The following KIAA0825 variants were observed in gnomAD, a reference collection of about 807,000 sequenced individuals.
KIAA0825 encodes uncharacterized protein KIAA0825.
In KIAA0825, 119 loss-of-function variants were observed where a neutral mutation model predicts 147.6. That is an observed-to-expected ratio of 0.81 (90% CI 0.69 to 0.94). The LOEUF is 0.94. Among genes scored for constraint, KIAA0825 ranks in the 40% least tolerant of loss-of-function variants. KIAA0825 has a pLI of 0.00. For missense variants in KIAA0825, 1,381 were observed against 1,472.7 expected (o/e 0.94, Z 1.02); for synonymous variants, 470 against 518.1 (o/e 0.91, Z 1.26).
At chr5:94,417,147 G>A in intron 15 of KIAA0825, 54 bp downstream of exon 15, 2 of 1,459,928 alleles carry the variant, frequency 1.4e-6, no homozygotes, top group South Asian at 1.2e-5. Flanking sequence ...ATCTTTAAAG[G>A]TACATATAAG....
chr5:94,508,781 C>T (rs1455152352), intron 5 of KIAA0825, among the ~76,000 whole-genome samples: 3 of 152,194 alleles, frequency 2.0e-5, no homozygotes. Flanking sequence ...TATTGCCGAG[C>T]CTGGCACTAA....
chr5:94,422,498 A>G lies in KIAA0825; in HGVS notation c.2498-5133T>C, dbSNP rs184484796. On this transcript the variant is annotated intron_variant, in intron 14 of 20. Coordinates refer to ENST00000682413, the MANE Select transcript of KIAA0825 (RefSeq NM_001145678.3). ...AAGGCTCCCATGTCATGTAAAATTG[A>G]TATTAAATACATTAGTATGCTTTTT... Among the ~76,000 whole-genome samples, 270 of 152,252 alleles carry G rather than the reference A, an allele frequency of 1.8e-3. 2 individuals carry two copies. The highest frequency in any genetic ancestry group is 5.8e-3 in the African/African-American group (242 of 41,554).
At chr5:94,250,610 A>G (rs1775900606) in intron 20 of KIAA0825, among the ~76,000 whole-genome samples, 1 of 152,148 alleles carries the variant, frequency 6.6e-6, no homozygotes, top group Non-Finnish European at 1.5e-5. Context: ...AGCCTCCTGC[A>G]ACATACTAAT....
At chr5:94,336,876 C>G (rs1781862372) in intron 20 of KIAA0825, among the ~76,000 whole-genome samples, 1 of 152,082 alleles carries the variant, frequency 6.6e-6, no homozygotes. Flanking sequence ...ACACTCCCAC[C>G]AACAGAGAAT....
chr5:94,318,250 G>C (rs1779838340), intron 20 of KIAA0825, among the ~76,000 whole-genome samples: 1 of 151,610 alleles, frequency 6.6e-6, no homozygotes, highest in Non-Finnish European at 1.5e-5. Context: ...GTCTATTATA[G>C]ATTATATATA....
In KIAA0825 at chr5:94,291,088, G is replaced by T. The variant is rs139726041; in HGVS notation, c.3710+93280C>A. On this transcript the variant is annotated intron_variant, in intron 20 of 20. Transcript: ENST00000682413. Reference sequence around the variant, plus strand: ...TTTTCTCCCATTCTGTAGGTTGCCTGTTCACTCTGATGATAGTTTCTTTTG... The same window carrying T: ...TTTTCTCCCATTCTGTAGGTTGCCTTTTCACTCTGATGATAGTTTCTTTTG... Among the ~76,000 whole-genome samples, 874 of 152,242 alleles carry T rather than the reference G, an allele frequency of 5.7e-3. 4 individuals are homozygous for T. Among genetic ancestry groups the T allele is most frequent in the African/African-American group, 0.02 (848 of 41,536 alleles).
intron 15 of KIAA0825, among the ~76,000 whole-genome samples, chr5:94,406,355 T>G (rs1752063847): frequency 6.6e-6 from 1 of 152,236 alleles, no homozygotes; most frequent in Non-Finnish European, 1.5e-5. Flanking sequence ...AAATTTTACA[T>G]ATATCTAGAA....
intron 20 of KIAA0825, among the ~76,000 whole-genome samples, chr5:94,327,323 C>G (rs1780795821): frequency 6.6e-6 from 1 of 150,614 alleles, no homozygotes; most frequent in South Asian, 2.1e-4. Flanking sequence ...TCCAGGAAAG[C>G]ATAGAACATG....
chr5:94,477,015 AG>A (rs1318792525), intron 7 of KIAA0825, 95 bp downstream of exon 7: 3 of 869,486 alleles, frequency 3.5e-6, no homozygotes, highest in Non-Finnish European at 5.2e-6. Context: ...TTTGTAGCAA[AG>A]GGTAAAACTC....
At chr5:94,485,589 G>A (rs1272156959) in intron 5 of KIAA0825, among the ~76,000 whole-genome samples, 4 of 151,468 alleles carry the variant, frequency 2.6e-5, no homozygotes, top group East Asian at 1.9e-4. Flanking sequence ...GAGTGTCTGC[G>A]GACTATTTTC....
chr5:94,447,109 C>G (rs1757825175), intron 13 of KIAA0825, among the ~76,000 whole-genome samples: 1 of 151,990 alleles, frequency 6.6e-6, no homozygotes, highest in African/African-American at 2.4e-5. Context: ...GGGGAATATC[C>G]TAAGTCCAGA....
chr5:94,208,711 T>TCA (rs1283727033), intron 20 of KIAA0825, among the ~76,000 whole-genome samples: 1 of 152,106 alleles, frequency 6.6e-6, no homozygotes, highest in Non-Finnish European at 1.5e-5. Flanking sequence ...TGGGGAGGAA[T>TCA]TCTAGATGAA....
chr5:94,473,236 A>G, intron 8 of KIAA0825, 56 bp downstream of exon 8: 2 of 1,389,358 alleles, frequency 1.4e-6, no homozygotes, highest in Non-Finnish European at 9.9e-7. Context: ...AATGCCTTAT[A>G]CTAAAATAAA....
At chr5:94,361,004 A>T (rs1744986031) in intron 20 of KIAA0825, among the ~76,000 whole-genome samples, 1 of 152,156 alleles carries the variant, frequency 6.6e-6, no homozygotes, top group Admixed American at 6.5e-5. Context: ...CTAGGCTTTC[A>T]AAGCTGTAGA....
intron 13 of KIAA0825, among the ~76,000 whole-genome samples, chr5:94,443,026 T>G (rs1438873111): frequency 6.6e-6 from 1 of 152,134 alleles, no homozygotes; most frequent in Non-Finnish European, 1.5e-5. Context: ...AATGTCACTT[T>G]ATGCCGCTGT....
chr5:94,584,301 A>G (rs1026264498), intron 1 of KIAA0825, among the ~76,000 whole-genome samples: 3 of 152,254 alleles, frequency 2.0e-5, no homozygotes, highest in African/African-American at 7.2e-5. Context: ...AAAAAAGGTT[A>G]GACGAATGGC....
chr5:94,524,298 T>A (rs896136431), intron 3 of KIAA0825, among the ~76,000 whole-genome samples, 200 bp from the exon 4 acceptor site: 1 of 151,446 alleles, frequency 6.6e-6, no homozygotes, highest in Admixed American at 6.6e-5. Context: ...CAGTAAAAAA[T>A]GTGATAGAGG....
chr5:94,370,912 AAAAACAAAACAAAAC>A (rs919730435), intron 20 of KIAA0825, among the ~76,000 whole-genome samples: 2 of 152,090 alleles, frequency 1.3e-5, no homozygotes, highest in South Asian at 2.1e-4. Flanking sequence ...TCTGTCTCAA[AAAAACAAAACAAAAC>A]AAAACAAAAC....
intron 1 of KIAA0825, among the ~76,000 whole-genome samples, chr5:94,594,950 T>G (rs758140262): frequency 6.6e-6 from 1 of 151,958 alleles, no homozygotes; most frequent in Admixed American, 6.6e-5. Context: ...CATGCTGATG[T>G]AAGAGGTGGG....
Sources: allele counts gnomAD v4.1 joint callset (sites outside exome capture counted in the v4.1 genomes callset), GRCh38; gene constraint gnomAD v4.1.1; transcripts MANE v1.5; gene names NCBI Gene and HGNC (gene_info 2026-07-23, HGNC 2026-07-21).